SYN3: variants seen among roughly 807,000 people sequenced by gnomAD.
The protein encoded by SYN3 is synapsin-3.
In SYN3, 35 loss-of-function variants were observed where a neutral mutation model predicts 65.8. The observed-to-expected ratio is 0.53, with a 90% CI of 0.41 to 0.70. The LOEUF is 0.70. Ranked by LOEUF, SYN3 falls within the 30% of genes least tolerant of loss-of-function variation. SYN3 has a pLI of 0.00. For missense variants in SYN3, 680 were observed against 749.0 expected, an observed-to-expected ratio of 0.91 and a Z score of 1.08; for synonymous variants, 270 against 292.9, an observed-to-expected ratio of 0.92 and a Z score of 0.80.
Position 32,929,174 on chromosome 22 carries a change from C to T in SYN3, c.461+2216G>A, listed in dbSNP as rs369835168. Among the ~76,000 whole-genome samples, 30 of 152,056 alleles carry T rather than the reference C, an allele frequency of 2.0e-4. No homozygotes were observed. The East Asian group carries it at 2.9e-3, about 15-fold the overall frequency. On this transcript the variant is annotated intron_variant, in intron 4 of 13. Coordinates refer to ENST00000358763, the MANE Select transcript of SYN3 (RefSeq NM_003490.4). ...GTGCATGTCTGTAATCCCAGCTACC[C>T]GGGAGGCTGAGGCAGAAGAATTGCT...
intron 3 of SYN3, among the ~76,000 whole-genome samples, chr22:32,974,442 T>C (rs1240055565): frequency 6.6e-6 from 1 of 152,236 alleles, no homozygotes; most frequent in East Asian, 1.9e-4. Flanking sequence ...AAGAGGTAGA[T>C]ATTTGTAAAG....
chr22:32,824,465 G>A (rs188297483), intron 6 of SYN3, among the ~76,000 whole-genome samples: 99 of 152,004 alleles, frequency 6.5e-4, no homozygotes, highest in Middle Eastern at 6.8e-3. Context: ...ATAGGGACTG[G>A]CACCACCAGA....
chr22:32,606,914 T>C (rs1022577899), intron 6 of SYN3, among the ~76,000 whole-genome samples: 1 of 151,996 alleles, frequency 6.6e-6, no homozygotes, highest in Non-Finnish European at 1.5e-5. Context: ...AACGTGCAGG[T>C]TTGTTACATA....
chr22:32,846,408 CTGAAGATGGTA>C (rs1183282337), intron 6 of SYN3, among the ~76,000 whole-genome samples: 1 of 152,228 alleles, frequency 6.6e-6, no homozygotes, highest in Non-Finnish European at 1.5e-5. Flanking sequence ...TGTTAGAAGT[CTGAAGATGGTA>C]TGCCCTAAGA....
chr22:32,522,569 C>T (rs550086017), intron 12 of SYN3, among the ~76,000 whole-genome samples: 190 of 152,168 alleles, frequency 1.2e-3, no homozygotes, highest in Non-Finnish European at 2.1e-3. Context: ...TGCTGGGTAA[C>T]GGGGCACTGC....
At chr22:32,593,452 T>C (rs529422318) in intron 7 of SYN3, among the ~76,000 whole-genome samples, 35 of 152,318 alleles carry the variant, frequency 2.3e-4, no homozygotes, top group African/African-American at 7.7e-4. Context: ...GAGAGAAAGA[T>C]ACAGGTCAGA....
chr22:32,515,826 T>C (rs144411863), intron 13 of SYN3, among the ~76,000 whole-genome samples: 4,098 of 150,000 alleles, frequency 0.027, 181 homozygotes, highest in African/African-American at 0.097. Context: ...CGAGATGGAG[T>C]CTTGCTCTGT....
chr22:32,762,515 G>A (rs563825398), intron 6 of SYN3, among the ~76,000 whole-genome samples: 4 of 152,344 alleles, frequency 2.6e-5, no homozygotes, highest in East Asian at 3.9e-4. Context: ...GGTGGAAATG[G>A]TGCCAGATTA....
chr22:32,857,329 G>A (rs1362628563), intron 6 of SYN3: 5 of 1,614,084 alleles, frequency 3.1e-6, no homozygotes, highest in Non-Finnish European at 4.2e-6. Flanking sequence ...GCCTTAAGCT[G>A]GAGGTCAACA....
At chr22:32,974,469 T>C (rs1425953958) in intron 3 of SYN3, among the ~76,000 whole-genome samples, 1 of 152,230 alleles carries the variant, frequency 6.6e-6, no homozygotes, top group Admixed American at 6.5e-5. Context: ...CTGGGACCTA[T>C]CAGAGACCTT....
chr22:33,056,193 A>C (rs1032550039), intron 1 of SYN3, among the ~76,000 whole-genome samples: 18 of 152,228 alleles, frequency 1.2e-4, no homozygotes, highest in African/African-American at 9.7e-5. Flanking sequence ...TATTATTATT[A>C]AAAGCTCCTC....
intron 6 of SYN3, among the ~76,000 whole-genome samples, chr22:32,674,361 T>G (rs135310): frequency 0.29 from 43,937 of 152,004 alleles, 7,360 homozygotes; most frequent in Middle Eastern, 0.4. Flanking sequence ...AAGACTGGAC[T>G]CTGGCCTGCA....
intron 6 of SYN3, among the ~76,000 whole-genome samples, chr22:32,776,452 A>G (rs1250161698): frequency 6.6e-6 from 1 of 152,156 alleles, no homozygotes; most frequent in Non-Finnish European, 1.5e-5. Flanking sequence ...TCACAACAGC[A>G]CTAGGAGGCA....
chr22:32,741,418 T>C (rs1183010407), intron 6 of SYN3, among the ~76,000 whole-genome samples: 3 of 144,210 alleles, frequency 2.1e-5, no homozygotes, highest in African/African-American at 7.7e-5. Context: ...TGCAGTGGCG[T>C]GATCTCAGCT....
chr22:32,844,303 A>G (rs135029), intron 6 of SYN3, among the ~76,000 whole-genome samples: 105,465 of 152,096 alleles, frequency 0.69, 36,703 homozygotes, highest in East Asian at 0.86. Context: ...TTCTGGAGAC[A>G]CACCAGTAAG....
intron 6 of SYN3, among the ~76,000 whole-genome samples, chr22:32,799,850 C>T (rs1360748426): frequency 1.3e-5 from 2 of 152,126 alleles, no homozygotes; most frequent in Non-Finnish European, 1.5e-5. Context: ...GGCTAAATAT[C>T]CCAGGCCTCA....
chr22:32,878,339 C>A (rs999884640), intron 4 of SYN3, among the ~76,000 whole-genome samples: 3 of 152,030 alleles, frequency 2.0e-5, no homozygotes, highest in Admixed American at 6.6e-5. Flanking sequence ...GCTGCTAAGT[C>A]TTCCCTCCAG....
At chr22:32,981,444 G>A (rs2052370499) in intron 2 of SYN3, among the ~76,000 whole-genome samples, 1 of 151,702 alleles carries the variant, frequency 6.6e-6, no homozygotes, top group South Asian at 2.1e-4. Flanking sequence ...AATTAGCCAG[G>A]CATGGTGGCA....
chr22:32,910,587 C>T (rs1268429909), intron 4 of SYN3, among the ~76,000 whole-genome samples: 2 of 151,968 alleles, frequency 1.3e-5, no homozygotes, highest in African/African-American at 2.4e-5. Flanking sequence ...TGATTCAGAC[C>T]CCAGCTTCAC....
Sources: allele counts gnomAD v4.1 joint callset (sites outside exome capture counted in the v4.1 genomes callset), GRCh38; gene constraint gnomAD v4.1.1; transcripts MANE v1.5; gene names NCBI Gene and HGNC (gene_info 2026-07-23, HGNC 2026-07-21).